The following MYBL2 variants were observed in gnomAD, a reference collection of about 807,000 sequenced individuals.
MYBL2 encodes the protein myb-related protein B.
In MYBL2, 28 loss-of-function variants were observed where a neutral mutation model predicts 79.9. The observed-to-expected ratio is 0.35, with a 90% CI of 0.26 to 0.48. The LOEUF (loss-of-function observed/expected upper bound fraction) is 0.48. Among genes scored for constraint, MYBL2 ranks in the 20% least tolerant of loss-of-function variants. MYBL2 has a pLI of 0.99. For missense variants in MYBL2, 735 were observed against 893.9 expected (o/e 0.82, Z 2.27); for synonymous variants, 378 against 361.2 (o/e 1.05, Z -0.53).
intron 6 of MYBL2, among the ~76,000 whole-genome samples, chr20:43,698,661 ATT>A (rs1188859456): frequency 0.016 from 1,848 of 115,842 alleles, 40 homozygotes; most frequent in African/African-American, 0.052. Flanking sequence ...TACAGGCGTG[ATT>A]TTTTTTTTTT....
At chr20:43,680,584 G>T (rs947783269) in intron 2 of MYBL2, among the ~76,000 whole-genome samples, 1 of 151,852 alleles carries the variant, frequency 6.6e-6, no homozygotes, top group African/African-American at 2.4e-5. Flanking sequence ...TGCAACCTCC[G>T]CCTCCCAGGT....
In MYBL2 at chr20:43,681,722, G is replaced by T. The variant is rs920941673; in HGVS notation, c.115-62G>T. On this transcript the variant is annotated intron_variant, in intron 2 of 13. Transcript: ENST00000217026. ...GTTCTTTTAGATTGGGCTCTGTCAC[G>T]GGCAGCCCTGAGGTTTTCTGCACGT... is the stretch of plus-strand genomic sequence containing the variant. The T allele has an allele frequency of 3.9e-6, 6 of 1,553,774 alleles. No homozygotes were observed. The African/African-American group carries it at 6.8e-5, about 18-fold the overall frequency.
intron 2 of MYBL2, 94 bp from the exon 3 acceptor site, chr20:43,681,690 C>A: frequency 1.6e-6 from 2 of 1,269,280 alleles, no homozygotes; most frequent in Non-Finnish European, 2.3e-6. Flanking sequence ...AATGGATGAA[C>A]GAGGCTGTTC....
chr20:43,681,208 A>G (rs1188353047), intron 2 of MYBL2, among the ~76,000 whole-genome samples: 1 of 152,082 alleles, frequency 6.6e-6, no homozygotes, highest in Non-Finnish European at 1.5e-5. Context: ...GTGCTGAATC[A>G]CTGTCAGCTC....
At chr20:43,674,254 G>C (rs1478689072) in intron 2 of MYBL2, among the ~76,000 whole-genome samples, 1 of 31,292 alleles carries the variant, frequency 3.2e-5, no homozygotes, top group Non-Finnish European at 6.4e-5. Context: ...TTTTTTTTTT[G>C]AGACAGAGTT....
chr20:43,700,503 G>A (rs1283690278), intron 7 of MYBL2, among the ~76,000 whole-genome samples: 2 of 152,162 alleles, frequency 1.3e-5, no homozygotes, highest in African/African-American at 4.8e-5. Flanking sequence ...CATTGAGCCC[G>A]TGTTGTGGTT....
At chr20:43,691,963 G>T (rs1251844971) in intron 5 of MYBL2, among the ~76,000 whole-genome samples, 194 bp from the exon 6 acceptor site, 1 of 151,794 alleles carries the variant, frequency 6.6e-6, no homozygotes, top group East Asian at 1.9e-4. Context: ...ACAGAGCTTC[G>T]TGGAAATGCT....
chr20:43,668,219 G>A (rs1375470596), intron 1 of MYBL2, among the ~76,000 whole-genome samples: 1 of 56,254 alleles, frequency 1.8e-5, no homozygotes, highest in African/African-American at 6.9e-5. Context: ...TTTTTTTTTT[G>A]AGAAGGAGTC....
intron 9 of MYBL2, among the ~76,000 whole-genome samples, chr20:43,706,859 G>A (rs1400592392): frequency 5.3e-5 from 8 of 150,844 alleles, no homozygotes; most frequent in Admixed American, 4.6e-4. Context: ...GGGATTACAG[G>A]CACGCGCCAC....
rs189776580 is a variant in MYBL2 at position 43,684,787 on chromosome 20, C to T, written c.279+1901C>T. 9.4e-4 allele frequency among the ~76,000 whole-genome samples: 142 copies of T among 150,702 alleles called. 1 individual carries two copies. The East Asian group carries it at 0.024, about 26-fold the overall frequency. ...AGGAGTTCGAGGTTACAGTGAGCTA[C>T]GATCACACCACTGTACTCCAGTCTG... On this transcript the variant is annotated intron_variant, in intron 4 of 13. Coordinates refer to ENST00000217026, the MANE Select transcript of MYBL2 (RefSeq NM_002466.4).
intron 2 of MYBL2, among the ~76,000 whole-genome samples, chr20:43,678,869 A>G (rs965139791): frequency 7.2e-6 from 1 of 138,850 alleles, no homozygotes; most frequent in Non-Finnish European, 1.5e-5. Flanking sequence ...AAAAAAAAAA[A>G]AAAAAGAAAA....
intron 6 of MYBL2, among the ~76,000 whole-genome samples, chr20:43,697,870 G>A (rs527374050): frequency 4.0e-5 from 6 of 150,248 alleles, no homozygotes; most frequent in South Asian, 4.2e-4. Flanking sequence ...AGCCGAGATC[G>A]CGCCACTGCA....
rs1375114819 is a variant in MYBL2 at position 43,684,699 on chromosome 20, A to C, written c.279+1813A>C. On this transcript the variant is annotated intron_variant, in intron 4 of 13. Coordinates refer to ENST00000217026, the MANE Select transcript of MYBL2 (RefSeq NM_002466.4). The stretch of plus-strand genomic sequence containing the variant: ...TTCGCCTTAAAATTAATTTTTAAGT[A>C]ACTCGGCGTGGTGGTGGGGTGCCTG... Among the ~76,000 whole-genome samples the C allele has an allele frequency of 4.6e-5, 7 of 151,952 alleles. No homozygotes were observed. In the South Asian group the frequency reaches 1.2e-3, roughly 27 times the overall value.
intron 6 of MYBL2, among the ~76,000 whole-genome samples, chr20:43,698,864 G>A (rs1170142985): frequency 9.6e-6 from 1 of 104,634 alleles, no homozygotes; most frequent in African/African-American, 4.0e-5. Flanking sequence ...TTTTATTAGA[G>A]TCTTGTTGTG....
Position 43,667,273 on chromosome 20 carries a change from G to A in MYBL2, c.-11G>A. 2.4e-6 allele frequency: 3 copies of A among 1,225,194 alleles called. No homozygotes were observed. The highest frequency in any genetic ancestry group is 3.1e-6 in the Non-Finnish European group (3 of 983,502). 75.9% of individuals were successfully genotyped at this position (1,225,194 alleles called of 1,614,324 possible). A position where few individuals can be genotyped will look rare whatever the true frequency, so the allele number is the denominator to read the frequency against. ...CGGGCGGGCGAGCGCGGCGCGGTCCGGGCCGGGGGGATGTCTCGGCGGACG... is the reference window on the plus strand; with the variant it reads ...CGGGCGGGCGAGCGCGGCGCGGTCCAGGCCGGGGGGATGTCTCGGCGGACG... On this transcript the variant is annotated 5_prime_UTR_variant, in exon 1 of 14. Transcript: ENST00000217026.
In MYBL2 at chr20:43,715,236, G is replaced by A. The variant is rs746996946; in HGVS notation, c.1927G>A (p.Ala643Thr). Residue 643 changes from alanine (A) to threonine (T), a missense_variant, in exon 13 of 14, where the codon GCA becomes ACA. Physicochemically the swap from Ala to Thr is moderately conservative, Grantham distance 58. Transcript: ENST00000217026. ...QGFLQAKPEK[A>T]AVAQKPRSHF... Reference sequence around the variant, plus strand: ...CTTCTTGCAGGCCAAGCCCGAGAAGGCAGCAGTGGCCCAGAAGCCCCGAAG... The same window carrying A: ...CTTCTTGCAGGCCAAGCCCGAGAAGACAGCAGTGGCCCAGAAGCCCCGAAG... 1 of 1,614,250 alleles carries A rather than the reference G, an allele frequency of 6.2e-7. No individual in the cohort carries two copies. Among genetic ancestry groups the A allele is most frequent in the East Asian group, 2.2e-5 (1 of 44,880 alleles).
At chr20:43,710,109 T>C (rs1987873479) in intron 10 of MYBL2, 47 bp downstream of exon 10, 2 of 1,457,622 alleles carry the variant, frequency 1.4e-6, no homozygotes, top group Non-Finnish European at 1.9e-6. Flanking sequence ...GTGGGATCCC[T>C]TCGGTTCATC....
At chr20:43,677,255 G>A (rs1046410384) in intron 2 of MYBL2, among the ~76,000 whole-genome samples, 1 of 152,166 alleles carries the variant, frequency 6.6e-6, no homozygotes, top group Non-Finnish European at 1.5e-5. Context: ...ATAAGACCGT[G>A]TGCAGGTCCC....
intron 8 of MYBL2, among the ~76,000 whole-genome samples, chr20:43,703,628 G>A (rs1236572088): frequency 2.0e-5 from 3 of 152,146 alleles, no homozygotes; most frequent in African/African-American, 7.2e-5. Flanking sequence ...GCAGGGCCTT[G>A]GTGGGCCTAG....
Sources: allele counts gnomAD v4.1 joint callset (sites outside exome capture counted in the v4.1 genomes callset), GRCh38; gene constraint gnomAD v4.1.1; transcripts MANE v1.5; gene names NCBI Gene and HGNC (gene_info 2026-07-23, HGNC 2026-07-21).